LARGE1: variants seen among roughly 807,000 people sequenced by gnomAD.
The protein encoded by LARGE1 is LARGE xylosyl- and glucuronyltransferase 1.
Under a neutral mutation model 87.6 loss-of-function variants are expected in LARGE1, and 43 were observed. The ratio of observed to expected loss-of-function variants is 0.49; its 90% CI spans 0.38 to 0.63. The LOEUF (loss-of-function observed/expected upper bound fraction) is 0.63. LARGE1 is among the 30% of genes least tolerant of loss of function. The pLI is 0.00. For synonymous variants in LARGE1, 434 were observed against 394.6 expected, an observed-to-expected ratio of 1.10 and a Z score of -1.18; for missense variants, 802 against 1,000.2, an observed-to-expected ratio of 0.80 and a Z score of 2.67.
the LARGE1 span, among the ~76,000 whole-genome samples, chr22:33,099,777 T>C: frequency 6.6e-6 from 1 of 152,164 alleles, no homozygotes; most frequent in African/African-American, 2.4e-5. Flanking sequence ...AAGAGGCACA[T>C]AGGTGTACCA....
At chr22:33,259,121 G>A (rs1157356502) in intron 11 of LARGE1, among the ~76,000 whole-genome samples, 1 of 152,000 alleles carries the variant, frequency 6.6e-6, no homozygotes, top group Non-Finnish European at 1.5e-5. Flanking sequence ...CTTGTGATTT[G>A]CCCGCCTTGG....
At chr22:33,540,082 C>T (rs1212513753) in intron 6 of LARGE1, among the ~76,000 whole-genome samples, 3 of 152,122 alleles carry the variant, frequency 2.0e-5, no homozygotes, top group African/African-American at 7.2e-5. Flanking sequence ...AAAATAGGAG[C>T]TTGGTGTACA....
At chr22:33,870,771 G>A (rs1490695854) in intron 1 of LARGE1, among the ~76,000 whole-genome samples, 1 of 152,128 alleles carries the variant, frequency 6.6e-6, no homozygotes, top group Non-Finnish European at 1.5e-5. Flanking sequence ...GTTTCCCCAT[G>A]TTGACCAGGC....
chr22:33,267,174 G>A (rs769134455), intron 11 of LARGE1, among the ~76,000 whole-genome samples: 18 of 151,706 alleles, frequency 1.2e-4, no homozygotes, highest in Admixed American at 2.6e-4. Flanking sequence ...CGGGGAGGCA[G>A]AGGTTGCAGT....
At chr22:33,541,047 T>G (rs1368640039) in intron 6 of LARGE1, among the ~76,000 whole-genome samples, 8 of 2,184 alleles carry the variant, frequency 3.7e-3, no homozygotes, top group South Asian at 0.011. Flanking sequence ...GCTGGGGTGG[T>G]GGGTTGCGGG....
intron 7 of LARGE1, among the ~76,000 whole-genome samples, chr22:33,392,127 G>C (rs2065550299): frequency 6.7e-6 from 1 of 148,532 alleles, no homozygotes; most frequent in East Asian, 2.0e-4. Flanking sequence ...ACAGCAGAAT[G>C]AATTCTGGGA....
intron 1 of LARGE1, among the ~76,000 whole-genome samples, chr22:33,911,259 A>G (rs193273510): frequency 6.6e-6 from 1 of 152,232 alleles, no homozygotes; most frequent in Non-Finnish European, 1.5e-5. Context: ...GTCTGGCCTT[A>G]GTTTCTACGG....
chr22:33,800,155 A>G (rs2086114968), intron 1 of LARGE1, among the ~76,000 whole-genome samples: 1 of 152,210 alleles, frequency 6.6e-6, no homozygotes, highest in African/African-American at 2.4e-5. Flanking sequence ...CCTTGCAGGC[A>G]AGGATTATAT....
At chr22:33,331,848 G>T (rs1483423621) in intron 10 of LARGE1, among the ~76,000 whole-genome samples, 1 of 152,088 alleles carries the variant, frequency 6.6e-6, no homozygotes, top group African/African-American at 2.4e-5. Flanking sequence ...TTACCCTTCA[G>T]ACTCCTTCAC....
chr22:33,644,716 CA>C (rs2080552327), intron 3 of LARGE1, among the ~76,000 whole-genome samples: 1 of 152,196 alleles, frequency 6.6e-6, no homozygotes, highest in Admixed American at 6.5e-5. Context: ...AGCAAAATCT[CA>C]GGATACAAAA....
intron 11 of LARGE1, chr22:33,166,951 T>G: frequency 4.7e-6 from 2 of 425,234 alleles, no homozygotes; most frequent in Admixed American, 5.3e-5. Context: ...TGGGTCTAAA[T>G]TTCAGAGCGA....
the LARGE1 span, among the ~76,000 whole-genome samples, chr22:33,104,909 TTC>T: frequency 1.7e-5 from 1 of 58,246 alleles, no homozygotes; most frequent in Non-Finnish European, 4.4e-5. Flanking sequence ...CTTTCTTTCT[TTC>T]TTTCTTTCTT....
At chr22:33,383,488 A>G (rs2065226099) in intron 8 of LARGE1, among the ~76,000 whole-genome samples, 1 of 152,138 alleles carries the variant, frequency 6.6e-6, no homozygotes, top group Non-Finnish European at 1.5e-5. Flanking sequence ...TGAACCCAGG[A>G]GGCGGAGGTT....
intron 6 of LARGE1, among the ~76,000 whole-genome samples, chr22:33,439,276 G>A (rs982314363): frequency 5.3e-5 from 8 of 151,462 alleles, no homozygotes; most frequent in Non-Finnish European, 1.0e-4. Flanking sequence ...CTCAACTAAA[G>A]GCACTTCTCT....
chr22:33,626,202 A>G lies in LARGE1; in HGVS notation c.491+42T>C, dbSNP rs370493149. The G allele has an allele frequency of 1.9e-5, 29 of 1,526,026 alleles. 1 individual carries two copies. Among genetic ancestry groups the G allele is most frequent in the Non-Finnish European group, 2.6e-5 (29 of 1,099,598 alleles). 94.5% of individuals were successfully genotyped at this position (1,526,026 alleles called of 1,614,324 possible). ...TCCCCAAGGAAATACACAGGCAGGC[A>G]GTGACAGACCTCAGCCCACACAGCA... On this transcript the variant is annotated intron_variant, in intron 4 of 14. Transcript: ENST00000397394.
chr22:33,861,247 G>T (rs1001052473), intron 1 of LARGE1, among the ~76,000 whole-genome samples: 1 of 152,066 alleles, frequency 6.6e-6, no homozygotes, highest in Admixed American at 6.6e-5. Flanking sequence ...CAGCTAACTC[G>T]TTTTTCTCTT....
chr22:33,583,863 C>T (rs977568543), intron 5 of LARGE1, among the ~76,000 whole-genome samples: 1 of 152,160 alleles, frequency 6.6e-6, no homozygotes, highest in African/African-American at 2.4e-5. Flanking sequence ...TTAGCACTTT[C>T]CAAGACACAT....
chr22:33,913,515 TTA>T (rs2065696588), intron 1 of LARGE1, among the ~76,000 whole-genome samples: 1 of 152,124 alleles, frequency 6.6e-6, no homozygotes, highest in Admixed American at 6.5e-5. Context: ...AAACATTCGT[TTA>T]TGTTTGAGAA....
intron 6 of LARGE1, among the ~76,000 whole-genome samples, chr22:33,506,707 C>A (rs2070782490): frequency 6.6e-6 from 1 of 152,098 alleles, no homozygotes; most frequent in Non-Finnish European, 1.5e-5. Context: ...TCGAGACCAG[C>A]CTGGCCAATA....
Sources: allele counts gnomAD v4.1 joint callset (sites outside exome capture counted in the v4.1 genomes callset), GRCh38; gene constraint gnomAD v4.1.1; transcripts MANE v1.5; gene names NCBI Gene and HGNC (gene_info 2026-07-23, HGNC 2026-07-21).